The following TRAF3IP1 variants were observed in gnomAD, a reference collection of about 807,000 sequenced individuals.
TRAF3IP1 encodes intraflagellar transport 54, also known as TRAF3-interacting protein 1.
In TRAF3IP1, 53 loss-of-function variants were observed where a neutral mutation model predicts 89.9. That is an observed-to-expected ratio of 0.59 (90% CI 0.47 to 0.74). The LOEUF is 0.74. TRAF3IP1 is among the 30% of genes least tolerant of loss of function. The pLI, the probability that TRAF3IP1 is intolerant of heterozygous loss-of-function variation, is 0.00. For missense variants in TRAF3IP1, 806 were observed against 866.1 expected, an observed-to-expected ratio of 0.93 and a Z score of 0.87; for synonymous variants, 311 against 322.1, an observed-to-expected ratio of 0.97 and a Z score of 0.37.
At chr2:238,323,081 A>ATT (rs35469985) in intron 1 of TRAF3IP1, among the ~76,000 whole-genome samples, 8,795 of 147,590 alleles carry the variant, frequency 0.06, 380 homozygotes, top group Non-Finnish European at 0.082. Flanking sequence ...ATTGTTCACA[A>ATT]TTTTTTTTTT....
At chr2:238,391,373 C>G (rs894941404) in intron 15 of TRAF3IP1, among the ~76,000 whole-genome samples, 2 of 152,188 alleles carry the variant, frequency 1.3e-5, no homozygotes, top group African/African-American at 4.8e-5. Flanking sequence ...TTGTTTTTAT[C>G]TGGAAAATTG....
At chr2:238,322,254 T>C (rs1329609233) in intron 1 of TRAF3IP1, among the ~76,000 whole-genome samples, 1 of 152,188 alleles carries the variant, frequency 6.6e-6, no homozygotes, top group Non-Finnish European at 1.5e-5. Flanking sequence ...CCCAGGCCTG[T>C]CTGTCCCACT....
At chr2:238,369,945 TG>T (rs1700037009) in intron 15 of TRAF3IP1, among the ~76,000 whole-genome samples, 1 of 152,166 alleles carries the variant, frequency 6.6e-6, no homozygotes, top group South Asian at 2.1e-4. Flanking sequence ...TCCTTCAAGC[TG>T]GCTTTGTGTC....
intron 15 of TRAF3IP1, among the ~76,000 whole-genome samples, chr2:238,361,598 C>T (rs1699664174): frequency 6.6e-6 from 1 of 152,078 alleles, no homozygotes; most frequent in African/African-American, 2.4e-5. Flanking sequence ...CCCCACCTCT[C>T]TAGGGAGCCC....
At chr2:238,355,967 A>G (rs2106331010) in intron 14 of TRAF3IP1, 37 bp from the exon 15 acceptor site, 1 of 1,538,220 alleles carries the variant, frequency 6.5e-7, no homozygotes, top group Non-Finnish European at 9.0e-7. Flanking sequence ...GGGATAGAGA[A>G]TAAACTTTTA....
At chr2:238,340,846 T>TAGAG (rs67240549) in intron 8 of TRAF3IP1, among the ~76,000 whole-genome samples, 7,097 of 150,352 alleles carry the variant, frequency 0.047, 288 homozygotes, top group African/African-American at 0.11. Flanking sequence ...TATATATATA[T>TAGAG]AGAGAGAGAG....
At chr2:238,347,380 C>A in intron 9 of TRAF3IP1, 75 bp from the exon 10 acceptor site, 1 of 1,506,534 alleles carries the variant, frequency 6.6e-7, no homozygotes, top group Non-Finnish European at 9.2e-7. Flanking sequence ...GTTTTTTCTC[C>A]AATTCTGTTC....
chr2:238,349,520 T>A, intron 12 of TRAF3IP1, 112 bp downstream of exon 12: 1 of 1,094,772 alleles, frequency 9.1e-7, no homozygotes, highest in Admixed American at 2.1e-5. Flanking sequence ...GGAAACATGC[T>A]ATTGAGGAAC....
intron 10 of TRAF3IP1, 69 bp downstream of exon 10, chr2:238,347,544 C>A: frequency 6.7e-7 from 1 of 1,493,264 alleles, no homozygotes; most frequent in Non-Finnish European, 9.3e-7. Flanking sequence ...TGAATGTGGA[C>A]TCTCAGATTC....
chr2:238,369,186 CT>C (rs1163685718), intron 15 of TRAF3IP1, among the ~76,000 whole-genome samples: 1 of 152,090 alleles, frequency 6.6e-6, no homozygotes, highest in Non-Finnish European at 1.5e-5. Context: ...GAAAATAATG[CT>C]GTTATTTTAA....
At chr2:238,348,181 C>A in intron 10 of TRAF3IP1, among the ~76,000 whole-genome samples, 1 of 148,082 alleles carries the variant, frequency 6.8e-6, no homozygotes, top group Non-Finnish European at 1.5e-5. Flanking sequence ...TATGGTATAC[C>A]AATGTAGAAA....
In TRAF3IP1 at chr2:238,351,866, T is replaced by TGTGTGTGTGTGTGC. The variant is rs1421537563; in HGVS notation, c.1452-960_1452-959insTGTGTGTGTGTGCG. 4.6e-4 allele frequency among the ~76,000 whole-genome samples: 59 copies of TGTGTGTGTGTGTGC among 128,236 alleles called. No homozygotes were observed. Among genetic ancestry groups the TGTGTGTGTGTGTGC allele is most frequent in the African/African-American group, 2.0e-3 (58 of 29,472 alleles). The allele number at this position is 128,236 out of a possible 152,430, so 84.1% of individuals were successfully genotyped here. On this transcript the variant is annotated intron_variant, in intron 12 of 16. Coordinates refer to ENST00000373327, the MANE Select transcript of TRAF3IP1 (RefSeq NM_015650.4). This position sits in a 1 kb window ranked among gnomAD's most constrained non-coding sequence, Gnocchi z 5.2. Reference sequence around the variant, plus strand: ...GTGTGTGTGTGTGTGTGTGTGTGTGTGCGCGCGCGCGCGTGTGCGTGCATG... The same window carrying TGTGTGTGTGTGTGC: ...GTGTGTGTGTGTGTGTGTGTGTGTGTGTGTGTGTGTGTGCGCGCGCGCGCGCGTGTGCGTGCATG...
At chr2:238,322,875 A>G (rs1294112586) in intron 1 of TRAF3IP1, among the ~76,000 whole-genome samples, 8 of 152,118 alleles carry the variant, frequency 5.3e-5, no homozygotes, top group African/African-American at 1.9e-4. Flanking sequence ...TACTTGATAA[A>G]GTTGTTAGAA....
chr2:238,329,111 C>T lies in TRAF3IP1; in HGVS notation c.684C>T (p.Asn228=), dbSNP rs780906045. Residue 228 remains asparagine, a synonymous_variant, in exon 5 of 17, where the codon AAC becomes AAT. Coordinates refer to ENST00000373327, the MANE Select transcript of TRAF3IP1 (RefSeq NM_015650.4). ...ERAKARARPD[N]ERQKDRGNRE... is the part of the protein sequence containing the mutation. ...CCAAAGCCCGGGCCAGGCCAGACAACGAGCGACAGAAAGACAGAGGCAACA... is the reference window on the plus strand; with the variant it reads ...CCAAAGCCCGGGCCAGGCCAGACAATGAGCGACAGAAAGACAGAGGCAACA... 122 of 1,549,326 alleles carry T rather than the reference C, an allele frequency of 7.9e-5. No homozygotes were observed. Among genetic ancestry groups the T allele is most frequent in the Non-Finnish European group, 1.0e-4 (118 of 1,146,596 alleles).
chr2:238,380,231 C>T (rs1052880620), intron 15 of TRAF3IP1, among the ~76,000 whole-genome samples: 4 of 152,114 alleles, frequency 2.6e-5, no homozygotes, highest in African/African-American at 9.7e-5. Context: ...CAGGTGACTT[C>T]GTATGCAGCT....
chr2:238,334,074 A>T, intron 7 of TRAF3IP1, 39 bp downstream of exon 7: 8 of 1,203,416 alleles, frequency 6.6e-6, no homozygotes, highest in African/African-American at 2.3e-5. Context: ...AAATATGGAT[A>T]TTAGTTTTTT....
At chr2:238,398,435 T>C (rs1179097355) in intron 16 of TRAF3IP1, among the ~76,000 whole-genome samples, 2 of 30,938 alleles carry the variant, frequency 6.5e-5, no homozygotes, top group African/African-American at 1.3e-4. Context: ...GGCAGGAACA[T>C]AGGTGGGGGG....
Position 238,344,519 on chromosome 2 carries a change from C to T in TRAF3IP1, c.1182C>T (p.Asn394=), listed in dbSNP as rs1284235483. ...CAGGAACAAAAGAAGCTAATATTAA[C>T]TCAACTAGTATTTCAGATGATAATT... is the stretch of plus-strand genomic sequence containing the variant. ...SEIGTKEANI[N]STSISDDNSA... Residue 394 remains asparagine, a synonymous_variant, in exon 9 of 17, where the codon AAC becomes AAT. Transcript: ENST00000373327. 1 of 1,614,092 alleles carries T rather than the reference C, an allele frequency of 6.2e-7. No homozygotes were observed. Among genetic ancestry groups the T allele is most frequent in the East Asian group, 2.2e-5 (1 of 44,888 alleles).
Position 238,392,665 on chromosome 2 carries a change from C to G in TRAF3IP1, c.1690-4794C>G, listed in dbSNP as rs192760719. Among the ~76,000 whole-genome samples the G allele has an allele frequency of 9.4e-3, 1,426 of 152,182 alleles. 19 individuals are homozygous for G. The highest frequency in any genetic ancestry group is 0.032 in the African/African-American group (1,321 of 41,530). ...TCGGCTCACTGCAACCTCGCCCCCCCACCCGGGTTCAAGGGATTCTTCTGC... is the reference window on the plus strand; with the variant it reads ...TCGGCTCACTGCAACCTCGCCCCCCGACCCGGGTTCAAGGGATTCTTCTGC... On this transcript the variant is annotated intron_variant, in intron 15 of 16. Coordinates refer to ENST00000373327, the MANE Select transcript of TRAF3IP1 (RefSeq NM_015650.4).
Sources: gnomAD v4.1 joint callset for allele counts (sites outside exome capture counted in the v4.1 genomes callset) on GRCh38, gnomAD v4.1.1 for gene constraint, Gnocchi (gnomAD v3.1) non-coding constraint, MANE v1.5 for transcripts, NCBI Gene and HGNC (gene_info 2026-07-23, HGNC 2026-07-21) for gene names.